The following CD34 variants were observed in gnomAD, a reference collection of about 807,000 sequenced individuals.
The protein encoded by CD34 is CD34 molecule.
In CD34, 34 loss-of-function variants were observed where a neutral mutation model predicts 40.1. That is an observed-to-expected ratio of 0.85 (90% CI 0.65 to 1.13). CD34 has a LOEUF of 1.13. Among genes scored for constraint, CD34 ranks in the 50% most tolerant of loss-of-function variants. The probability of loss-of-function intolerance (pLI) is 0.00; values close to 1 mark genes in which losing one functional copy is unlikely to be tolerated. For synonymous variants in CD34, 209 were observed against 190.0 expected (o/e 1.10, Z -0.82); for missense variants, 426 against 466.9 (o/e 0.91, Z 0.81).
chr1:207,900,151 G>T (rs1192629147), intron 1 of CD34, 148 bp from the exon 2 acceptor site: 1 of 603,456 alleles, frequency 1.7e-6, no homozygotes, highest in Non-Finnish European at 2.8e-6. Flanking sequence ...CTCCTGGACA[G>T]TGGATTAATT....
chr1:207,901,061 G>A (rs913490408), intron 1 of CD34, among the ~76,000 whole-genome samples: 1 of 147,792 alleles, frequency 6.8e-6, no homozygotes, highest in Non-Finnish European at 1.5e-5. Flanking sequence ...CTAGAATGCA[G>A]TGGTGAGATC....
intron 4 of CD34, among the ~76,000 whole-genome samples, chr1:207,890,855 G>T (rs1662016135): frequency 6.6e-6 from 1 of 152,202 alleles, no homozygotes; most frequent in African/African-American, 2.4e-5. Context: ...GAGCAATTCT[G>T]CAGGTCTCCC....
At chr1:207,904,339 C>G (rs1662335708) in intron 1 of CD34, among the ~76,000 whole-genome samples, 1 of 152,150 alleles carries the variant, frequency 6.6e-6, no homozygotes. Flanking sequence ...AGTTACAGAA[C>G]TAGGATGAAG....
chr1:207,898,045 T>TTATG (rs1476134702), intron 3 of CD34, among the ~76,000 whole-genome samples: 2 of 150,768 alleles, frequency 1.3e-5, no homozygotes, highest in African/African-American at 4.9e-5. Context: ...ATTTATTTAT[T>TTATG]TATTTATTTA....
chr1:207,889,623 T>G lies in CD34; in HGVS notation c.598-2A>C, dbSNP rs1558117849. 1 of 1,612,322 alleles carries G rather than the reference T, an allele frequency of 6.2e-7. No homozygotes were observed. On this transcript the variant is annotated splice_acceptor_variant, in intron 4 of 7. Transcript: ENST00000310833. LOFTEE classifies it high-confidence loss of function. ...TCCCCTGTCCTTCTTAAACTCCGCC[T>G]GGGAAGACAGAGAAACATGGAGAGC...
In CD34 at chr1:207,884,013, A is replaced by T. The variant is rs1375392889; in HGVS notation, c.*3725T>A. On this transcript the variant is annotated 3_prime_UTR_variant, in exon 8 of 8. Coordinates refer to ENST00000310833, the MANE Select transcript of CD34 (RefSeq NM_001025109.2). Reference sequence around the variant, plus strand: ...CAGTGGCTTCCCAATCTACAACTAAAAAGGCCCCATGTAGTCTGACCTCCT... The same window carrying T: ...CAGTGGCTTCCCAATCTACAACTAATAAGGCCCCATGTAGTCTGACCTCCT... The T allele has an allele frequency of 6.6e-6, 1 of 152,136 alleles. No homozygotes were observed. Among genetic ancestry groups the T allele is most frequent in the Non-Finnish European group, 1.5e-5 (1 of 68,058 alleles). 9.4% of individuals were successfully genotyped at this position (152,136 alleles called of 1,614,324 possible).
Position 207,898,941 on chromosome 1 carries a change from G to A in CD34, c.516+32C>T, listed in dbSNP as rs766062512. 8.1e-6 allele frequency: 13 copies of A among 1,611,174 alleles called. No individual in the cohort carries two copies. The Admixed American group carries it at 2.0e-4, about 25-fold the overall frequency. Reference sequence around the variant, plus strand: ...TGCCTGCATACATATGAAGTGAGGGGCAATCTGCCATTTTTGGCCCAATTC... The same window carrying A: ...TGCCTGCATACATATGAAGTGAGGGACAATCTGCCATTTTTGGCCCAATTC... On this transcript the variant is annotated intron_variant, in intron 3 of 7. Coordinates refer to ENST00000310833, the MANE Select transcript of CD34 (RefSeq NM_001025109.2).
chr1:207,899,360 T>A, intron 2 of CD34, 134 bp from the exon 3 acceptor site: 1 of 885,434 alleles, frequency 1.1e-6, no homozygotes, highest in Non-Finnish European at 1.8e-6. Context: ...TCGTGTCCCA[T>A]CCCTGACCAA....
chr1:207,894,955 C>A (rs908568937), intron 4 of CD34, among the ~76,000 whole-genome samples: 4 of 152,186 alleles, frequency 2.6e-5, no homozygotes, highest in African/African-American at 4.8e-5. Flanking sequence ...TAGCTAGACT[C>A]ATGCACATAT....
intron 4 of CD34, among the ~76,000 whole-genome samples, chr1:207,896,095 G>A (rs977005397): frequency 2.0e-5 from 3 of 152,188 alleles, no homozygotes; most frequent in Non-Finnish European, 4.4e-5. Context: ...AAACTACCGA[G>A]TTAGAATGGA....
intron 1 of CD34, among the ~76,000 whole-genome samples, chr1:207,908,808 T>C (rs1014790459): frequency 1.3e-5 from 2 of 152,202 alleles, no homozygotes; most frequent in Admixed American, 1.3e-4. Flanking sequence ...TCTGGTTAGT[T>C]GCAGTGCCTA....
At chr1:207,888,623 G>T in intron 7 of CD34, 59 bp downstream of exon 7, 1 of 1,547,676 alleles carries the variant, frequency 6.5e-7, no homozygotes, top group South Asian at 1.1e-5. Flanking sequence ...GACATCCACT[G>T]AACTCCCCAG....
intron 4 of CD34, among the ~76,000 whole-genome samples, chr1:207,895,740 C>A (rs1329287893): frequency 6.6e-6 from 1 of 152,212 alleles, no homozygotes; most frequent in East Asian, 1.9e-4. Context: ...AATTAGCATT[C>A]TGGCACATAC....
Position 207,885,021 on chromosome 1 carries a change from T to C in CD34, c.*2717A>G, listed in dbSNP as rs1450952848. ...TTCAGGACTTTGGAATTCTGGGTGA[T>C]TGGGCAAGCCACCTCCCTTCTCTGA... On this transcript the variant is annotated 3_prime_UTR_variant, in exon 8 of 8. Coordinates refer to ENST00000310833, the MANE Select transcript of CD34 (RefSeq NM_001025109.2). 6.6e-6 allele frequency: 1 copy of C among 152,224 alleles called. No homozygotes were observed. Among genetic ancestry groups the C allele is most frequent in the Non-Finnish European group, 1.5e-5 (1 of 68,058 alleles). The allele number at this position is 152,224 out of a possible 1,614,324, so 9.4% of individuals were successfully genotyped here.
At chr1:207,888,012 CA>C in intron 7 of CD34, 89 bp from the exon 8 acceptor site, 1 of 867,274 alleles carries the variant, frequency 1.2e-6, no homozygotes. Flanking sequence ...GAAGTGGGGG[CA>C]GGGGTGGGAG....
chr1:207,887,524 C>T lies in CD34; in HGVS notation c.*214G>A, dbSNP rs945805239. 1.3e-5 allele frequency: 8 copies of T among 628,554 alleles called. No individual in the cohort carries two copies. Among genetic ancestry groups the T allele is most frequent in the Non-Finnish European group, 1.9e-5 (7 of 374,040 alleles). The allele number at this position is 628,554 out of a possible 1,614,324, so 38.9% of individuals were successfully genotyped here. ...CCGTCACACGTTTACCCAAAGAAGA[C>T]CAGAGTCTGGCTCCAGGGAGCCGAA... On this transcript the variant is annotated 3_prime_UTR_variant, in exon 8 of 8. Coordinates refer to ENST00000310833, the MANE Select transcript of CD34 (RefSeq NM_001025109.2).
At chr1:207,896,568 C>A (rs563372460) in intron 4 of CD34, among the ~76,000 whole-genome samples, 1 of 152,192 alleles carries the variant, frequency 6.6e-6, no homozygotes, top group East Asian at 1.9e-4. Flanking sequence ...CTATCAGTGA[C>A]AATCAATTTG....
At chr1:207,889,374 T>A in intron 5 of CD34, 91 bp downstream of exon 5, 1 of 1,529,362 alleles carries the variant, frequency 6.5e-7, no homozygotes, top group Non-Finnish European at 8.9e-7. Context: ...ACCTGTGGTC[T>A]CTCTGGATCT....
intron 4 of CD34, chr1:207,889,855 A>T: frequency 6.4e-7 from 1 of 1,566,082 alleles, no homozygotes; most frequent in East Asian, 2.2e-5. Flanking sequence ...AGTATCTAAG[A>T]TGTTAGAGAA....
Sources: allele counts gnomAD v4.1 joint callset (sites outside exome capture counted in the v4.1 genomes callset), GRCh38; gene constraint gnomAD v4.1.1; transcripts MANE v1.5; gene names NCBI Gene and HGNC (gene_info 2026-07-23, HGNC 2026-07-21).